Variants in CSMD2 observed in about 807,000 individuals in gnomAD.
CSMD2 encodes the protein CUB and Sushi multiple domains 2, also known as CUB and sushi domain-containing protein 2.
Under a neutral mutation model 398.5 loss-of-function variants are expected in CSMD2, and 130 were observed. That is an observed-to-expected ratio of 0.33 (90% CI 0.28 to 0.38). CSMD2 has a LOEUF of 0.38. Among genes scored for constraint, CSMD2 ranks in the 10% least tolerant of loss-of-function variants. CSMD2 has a pLI of 1.00. For synonymous variants in CSMD2, 1,828 were observed against 1,908.5 expected (o/e 0.96, Z 1.10); for missense variants, 3,829 against 4,764.9 (o/e 0.80, Z 5.78).
intron 2 of CSMD2, among the ~76,000 whole-genome samples, chr1:34,050,332 T>C (rs917091344): frequency 6.6e-6 from 1 of 152,244 alleles, no homozygotes; most frequent in African/African-American, 2.4e-5. Context: ...TTTCCCTGTA[T>C]GCAGTGCTTC....
At chr1:34,123,013 G>A (rs963887086) in intron 1 of CSMD2, among the ~76,000 whole-genome samples, 4 of 152,208 alleles carry the variant, frequency 2.6e-5, no homozygotes, top group African/African-American at 4.8e-5. Flanking sequence ...CATATGTAAT[G>A]AGCAGCCTGA....
At chr1:33,856,432 C>A (rs1195609356) in intron 5 of CSMD2, among the ~76,000 whole-genome samples, 1 of 152,200 alleles carries the variant, frequency 6.6e-6, no homozygotes, top group Non-Finnish European at 1.5e-5. Context: ...TGCCCACTTT[C>A]CACCTGTCAC....
At chr1:33,785,566 A>G (rs1653425866) in intron 12 of CSMD2, among the ~76,000 whole-genome samples, 1 of 152,212 alleles carries the variant, frequency 6.6e-6, no homozygotes, top group African/African-American at 2.4e-5. Flanking sequence ...GAGATGAAGT[A>G]ATGTCTTTCA....
At chr1:34,041,566 T>C (rs1310645564) in intron 2 of CSMD2, among the ~76,000 whole-genome samples, 1 of 152,212 alleles carries the variant, frequency 6.6e-6, no homozygotes, top group Non-Finnish European at 1.5e-5. Context: ...ACTTCAAGGC[T>C]CTCAAGCTGA....
intron 5 of CSMD2, among the ~76,000 whole-genome samples, chr1:33,898,071 A>G (rs1642509551): frequency 6.6e-6 from 1 of 152,212 alleles, no homozygotes; most frequent in African/African-American, 2.4e-5. Flanking sequence ...TGAGGTTCAG[A>G]GAGGTGAAGG....
chr1:34,078,812 G>A (rs1446266480), intron 2 of CSMD2, among the ~76,000 whole-genome samples: 1 of 152,168 alleles, frequency 6.6e-6, no homozygotes, highest in Non-Finnish European at 1.5e-5. Context: ...TTTCACTGGA[G>A]ACTGAAATTC....
chr1:33,842,961 G>C (rs1317963635), intron 6 of CSMD2, among the ~76,000 whole-genome samples: 2 of 152,096 alleles, frequency 1.3e-5, no homozygotes, highest in Non-Finnish European at 2.9e-5. Context: ...TGGTCTGTCT[G>C]GCATCTTTCT....
At chr1:33,685,432 T>G (rs1255058183) in intron 25 of CSMD2, among the ~76,000 whole-genome samples, 1 of 152,254 alleles carries the variant, frequency 6.6e-6, no homozygotes, top group Non-Finnish European at 1.5e-5. Flanking sequence ...CCCCCGTGCC[T>G]GGCAGAATGC....
chr1:34,123,522 A>AG (rs1553323630), intron 1 of CSMD2, among the ~76,000 whole-genome samples: 45,369 of 124,930 alleles, frequency 0.36, 7,919 homozygotes, highest in Non-Finnish European at 0.47. Context: ...TCAAACTTAA[A>AG]GGGGGGGGGT....
At chr1:33,566,415 G>C (rs1659062895) in intron 53 of CSMD2, among the ~76,000 whole-genome samples, 2 of 152,060 alleles carry the variant, frequency 1.3e-5, no homozygotes, top group Non-Finnish European at 2.9e-5. Flanking sequence ...GGTTACCATG[G>C]GTGGAGAAGT....
rs892335530 is a variant in CSMD2, at chr1:33,907,954, G to C, written c.920+10140C>G. On this transcript the variant is annotated intron_variant, in intron 5 of 70. Coordinates refer to ENST00000373381, the MANE Select transcript of CSMD2 (RefSeq NM_001281956.2). ...ATACAAAAATTAGCTGGGCATGGTG[G>C]CATGTGCCTGTAGTCCTAGCTATTC... Among the ~76,000 whole-genome samples, 4 of 152,152 alleles carry C rather than the reference G, an allele frequency of 2.6e-5. No individual in the cohort carries two copies. The East Asian group carries it at 5.8e-4, about 22-fold the overall frequency.
At chr1:33,871,570 G>A (rs926620735) in intron 5 of CSMD2, among the ~76,000 whole-genome samples, 1 of 152,180 alleles carries the variant, frequency 6.6e-6, no homozygotes, top group African/African-American at 2.4e-5. Flanking sequence ...GGTGAGGACT[G>A]TCTGCAGAGA....
intron 64 of CSMD2, among the ~76,000 whole-genome samples, chr1:33,531,360 G>A (rs1217507993): frequency 6.6e-6 from 1 of 152,186 alleles, no homozygotes; most frequent in Non-Finnish European, 1.5e-5. Flanking sequence ...GAAGGATGTC[G>A]AGAAATTGGA....
intron 32 of CSMD2, among the ~76,000 whole-genome samples, chr1:33,627,924 G>A (rs775348796): frequency 2.0e-5 from 3 of 152,178 alleles, no homozygotes; most frequent in Non-Finnish European, 4.4e-5. Context: ...GAAGGCACAC[G>A]GGCCTCCATC....
At position 33,568,507 on chromosome 1, in the gene CSMD2, G is replaced by A. The variant is rs150743523; in HGVS notation, c.8132-666C>T. Among the ~76,000 whole-genome samples, 690 of 152,232 alleles carry A rather than the reference G, an allele frequency of 4.5e-3. 5 individuals are homozygous for A. Among genetic ancestry groups the A allele is most frequent in the Admixed American group, 7.6e-3 (116 of 15,286 alleles). ...TAGCCTGGGCATCTTGTTTTTCACCGAGCATCTGCTGCATGGAGGGCACCA... is the reference window on the plus strand; with the variant it reads ...TAGCCTGGGCATCTTGTTTTTCACCAAGCATCTGCTGCATGGAGGGCACCA... On this transcript the variant is annotated intron_variant, in intron 52 of 70. Transcript: ENST00000373381.
rs530980620 is a variant in CSMD2 at position 33,566,137 on chromosome 1, T to C, written c.8380+1456A>G. On this transcript the variant is annotated intron_variant, in intron 53 of 70. Coordinates refer to ENST00000373381, the MANE Select transcript of CSMD2 (RefSeq NM_001281956.2). ...AGTGGGAAACAAAGCAATATCAGTG[T>C]TTAAAACCATAATCCAAGAAAAGTC... Among the ~76,000 whole-genome samples, 132 of 151,484 alleles carry C rather than the reference T, an allele frequency of 8.7e-4. 1 individual carries two copies. Among genetic ancestry groups the C allele is most frequent in the African/African-American group, 2.9e-3 (119 of 41,400 alleles).
At chr1:33,804,662 G>A (rs1656012870) in intron 10 of CSMD2, 1 of 715,130 alleles carries the variant, frequency 1.4e-6, no homozygotes, top group Non-Finnish European at 2.6e-6. Flanking sequence ...AAAACATACT[G>A]TGAGCTTAGA....
chr1:33,528,198 C>G lies in CSMD2; in HGVS notation c.10172-940G>C, dbSNP rs12737911. ...GCAGTGCCACTTAATGACTGCGTGA[C>G]CTTGACTAGTAACTTCACCACTCAG... On this transcript the variant is annotated intron_variant, in intron 64 of 70. Transcript: ENST00000373381. Among the ~76,000 whole-genome samples the G allele has an allele frequency of 2.1e-3, 327 of 152,330 alleles. 1 individual carries two copies. Among genetic ancestry groups the G allele is most frequent in the Non-Finnish European group, 3.3e-3 (227 of 68,028 alleles).
chr1:33,663,205 A>G (rs1644196896), intron 25 of CSMD2, 113 bp from the exon 26 acceptor site: 1 of 829,312 alleles, frequency 1.2e-6, no homozygotes, highest in Non-Finnish European at 1.9e-6. Context: ...AAAGCCCTAA[A>G]CCTCCGAAGC....
Sources: gnomAD v4.1 joint callset for allele counts (sites outside exome capture counted in the v4.1 genomes callset) on GRCh38, gnomAD v4.1.1 for gene constraint, MANE v1.5 for transcripts, NCBI Gene and HGNC (gene_info 2026-07-23, HGNC 2026-07-21) for gene names.